The following ITGA1 variants were observed in gnomAD, a reference collection of about 807,000 sequenced individuals.
ITGA1 encodes integrin subunit alpha 1, also known as integrin alpha-1.
In ITGA1, 85 loss-of-function variants were observed where a neutral mutation model predicts 145.9. That is an observed-to-expected ratio of 0.58 (90% confidence interval 0.49 to 0.70). The LOEUF (loss-of-function observed/expected upper bound fraction) is 0.70. Among genes scored for constraint, ITGA1 ranks in the 30% least tolerant of loss-of-function variants. ITGA1 has a pLI of 0.00. For missense variants in ITGA1, 1,351 were observed against 1,418.7 expected (o/e 0.95, Z 0.77); for synonymous variants, 520 against 495.3 (o/e 1.05, Z -0.66).
chr5:52,932,223 A>G lies in ITGA1; in HGVS notation c.2861+87A>G, dbSNP rs111812102. The G allele has an allele frequency of 3.6e-4, 275 of 765,748 alleles. No individual in the cohort carries two copies. The African/African-American group carries it at 3.7e-3, about 10-fold the overall frequency. The allele number at this position is 765,748 out of a possible 1,614,324, so 47.4% of individuals were successfully genotyped here. A position where few individuals can be genotyped will look rare whatever the true frequency, so the allele number is the denominator to read the frequency against. On this transcript the variant is annotated intron_variant, in intron 22 of 28. Coordinates refer to ENST00000282588, the MANE Select transcript of ITGA1 (RefSeq NM_181501.2). Reference sequence around the variant, plus strand: ...TGGTCCCTGCCTGGCCAAGGGCATCAGCATCACCTGGAAACTTGTTAGGCA... The same window carrying G: ...TGGTCCCTGCCTGGCCAAGGGCATCGGCATCACCTGGAAACTTGTTAGGCA...
At chr5:52,854,609 A>T (rs1163211791) in intron 2 of ITGA1, among the ~76,000 whole-genome samples, 3 of 152,204 alleles carry the variant, frequency 2.0e-5, no homozygotes, top group Non-Finnish European at 4.4e-5. Context: ...TGTATTAGAC[A>T]TCAAGGCAGA....
chr5:52,800,280 C>T, intron 1 of ITGA1: 2 of 1,110,052 alleles, frequency 1.8e-6, no homozygotes, highest in Admixed American at 2.2e-5. Flanking sequence ...AGGCAAGTGC[C>T]CTTAGAAACC....
chr5:52,911,846 CTA>C (rs1383670192), intron 14 of ITGA1, among the ~76,000 whole-genome samples: 27 of 131,724 alleles, frequency 2.0e-4, no homozygotes, highest in African/African-American at 7.3e-4. Context: ...TATGGTGTAT[CTA>C]TATACACACA....
Position 52,936,748 on chromosome 5 carries a change from C to G in ITGA1, c.2965-653C>G, listed in dbSNP as rs556257564. On this transcript the variant is annotated intron_variant, in intron 23 of 28. Transcript: ENST00000282588. The stretch of plus-strand genomic sequence containing the variant: ...TCACTACTGGTAGCAGAACATGATA[C>G]TAAGTGGAAACTTTGGGTTAGTGGA... Among the ~76,000 whole-genome samples the G allele has an allele frequency of 5.3e-5, 8 of 152,268 alleles. 1 individual carries two copies. The highest frequency in any genetic ancestry group is 5.2e-4 in the Admixed American group (8 of 15,300).
chr5:52,945,111 A>T, intron 27 of ITGA1, 76 bp downstream of exon 27: 1 of 1,127,196 alleles, frequency 8.9e-7, no homozygotes, highest in Non-Finnish European at 1.3e-6. Flanking sequence ...ATAATTGTTG[A>T]TAGTCCCTTA....
chr5:52,827,089 CTTTT>C (rs201041439), intron 1 of ITGA1, among the ~76,000 whole-genome samples: 6,578 of 134,812 alleles, frequency 0.049, 402 homozygotes, highest in East Asian at 0.35. Context: ...CCATTAAGAA[CTTTT>C]TTTTTTTTTT....
chr5:52,930,754 T>C (rs997045864), intron 21 of ITGA1, among the ~76,000 whole-genome samples: 2 of 152,140 alleles, frequency 1.3e-5, no homozygotes, highest in African/African-American at 4.8e-5. Flanking sequence ...AGGTTATCAA[T>C]TTTAGCTGAA....
Position 52,887,351 on chromosome 5 carries a change from C to T in ITGA1, c.774-464C>T, listed in dbSNP as rs553198092. The stretch of plus-strand genomic sequence containing the variant: ...TCTCCTCCCCAGATTAGAGGATTTT[C>T]GAGCCATTCTACAAATGTCAGAGTA... On this transcript the variant is annotated intron_variant, in intron 7 of 28. Coordinates refer to ENST00000282588, the MANE Select transcript of ITGA1 (RefSeq NM_181501.2). Among the ~76,000 whole-genome samples, 394 of 152,196 alleles carry T rather than the reference C, an allele frequency of 2.6e-3. 1 individual carries two copies. The highest frequency in any genetic ancestry group is 6.7e-3 in the Admixed American group (102 of 15,288).
intron 22 of ITGA1, 154 bp downstream of exon 22, chr5:52,932,290 G>A (rs530516975): frequency 4.5e-5 from 26 of 578,402 alleles, no homozygotes; most frequent in Admixed American, 9.4e-5. Flanking sequence ...TCAGAAACTC[G>A]GAGGATGGGG....
At position 52,929,654 on chromosome 5, in the gene ITGA1, C is replaced by T. The variant is rs1213851117; in HGVS notation, c.2724C>T (p.Asn908=). 2 of 1,589,160 alleles carry T rather than the reference C, an allele frequency of 1.3e-6. No individual in the cohort carries two copies. Among genetic ancestry groups the T allele is most frequent in the Non-Finnish European group, 1.7e-6 (2 of 1,160,922 alleles). ...CTTTCAAAATATTGTTTCAGTTTAA[C>T]ACATCCTATCTCATGGAAAATGTGA... ...MVTFKILFQF[N]TSYLMENVTI... The change falls in exon 21 of 29, where the codon AAC becomes AAT. Residue 908 remains asparagine, a synonymous_variant. Transcript: ENST00000282588.
chr5:52,922,703 A>G (rs2111875162), intron 17 of ITGA1, 74 bp from the exon 18 acceptor site: 2 of 928,520 alleles, frequency 2.2e-6, no homozygotes, highest in East Asian at 2.4e-5. Context: ...TGGGAACAGA[A>G]GAAGGAGACA....
At chr5:52,915,737 G>A in intron 15 of ITGA1, 143 bp downstream of exon 15, 2 of 989,058 alleles carry the variant, frequency 2.0e-6, no homozygotes, top group Non-Finnish European at 1.5e-6. Context: ...TGAGTGAGCT[G>A]GAAGAGTCAA....
Position 52,952,394 on chromosome 5 carries a change from G to A in ITGA1, c.3496-13G>A. The A allele has an allele frequency of 1.4e-6, 2 of 1,394,102 alleles. No homozygotes were observed. Among genetic ancestry groups the A allele is most frequent in the Non-Finnish European group, 2.0e-6 (2 of 1,022,802 alleles). The allele number at this position is 1,394,102 out of a possible 1,614,324, so 86.4% of individuals were successfully genotyped here. On this transcript the variant is annotated splice_polypyrimidine_tract_variant and intron_variant, in intron 28 of 28. Transcript: ENST00000282588. ...AATAGTTAATTGTGTTATGTTTTGT[G>A]TTTTCTCAACAGATTGGATTCTTCA...
At chr5:52,805,550 A>G (rs1320412952) in intron 1 of ITGA1, among the ~76,000 whole-genome samples, 1 of 152,180 alleles carries the variant, frequency 6.6e-6, no homozygotes, top group Non-Finnish European at 1.5e-5. Flanking sequence ...TCCAAAGGTA[A>G]ATCTCAGATT....
intron 12 of ITGA1, 130 bp from the exon 13 acceptor site, chr5:52,908,768 T>C: frequency 2.1e-6 from 2 of 950,602 alleles, no homozygotes; most frequent in Non-Finnish European, 3.2e-6. Flanking sequence ...GGAGCATCAA[T>C]TTTTATCTTT....
intron 14 of ITGA1, among the ~76,000 whole-genome samples, chr5:52,912,950 G>C (rs1351485987): frequency 1.3e-5 from 2 of 151,884 alleles, no homozygotes; most frequent in Non-Finnish European, 2.9e-5. Flanking sequence ...GTTTCACCGT[G>C]TTAGCCAGGA....
chr5:52,874,570 G>T (rs1026421361), intron 6 of ITGA1, among the ~76,000 whole-genome samples: 1 of 152,096 alleles, frequency 6.6e-6, no homozygotes, highest in African/African-American at 2.4e-5. Flanking sequence ...TTTTCTGATA[G>T]TGTCCTTCCT....
intron 4 of ITGA1, 37 bp from the exon 5 acceptor site, chr5:52,864,934 G>T (rs1267136136): frequency 1.3e-6 from 2 of 1,570,508 alleles, no homozygotes; most frequent in African/African-American, 1.4e-5. Context: ...ATAATTTTCA[G>T]TCTAATGATT....
At chr5:52,897,394 A>G in intron 9 of ITGA1, 61 bp from the exon 10 acceptor site, 1 of 1,110,246 alleles carries the variant, frequency 9.0e-7, no homozygotes, top group Non-Finnish European at 1.4e-6. Flanking sequence ...GTATTCTGCA[A>G]GTCAGTAGTG....
Sources: allele counts gnomAD v4.1 joint callset (sites outside exome capture counted in the v4.1 genomes callset), GRCh38; gene constraint gnomAD v4.1.1; transcripts MANE v1.5; gene names NCBI Gene and HGNC (gene_info 2026-07-23, HGNC 2026-07-21).